The following THUMPD2 variants were observed in gnomAD, a reference collection of about 807,000 sequenced individuals.
The protein encoded by THUMPD2 is THUMP domain 2 tRNA and snRNA guanosine methyltransferase, also known as U6 snRNA (guanine-N(2))-methyltransferase THUMPD2.
A neutral mutation model predicts 49.4 loss-of-function variants in THUMPD2; 56 were observed. The ratio of observed to expected loss-of-function variants is 1.13; its 90% CI spans 0.91 to 1.41. The LOEUF is 1.41. Ranked by LOEUF, THUMPD2 falls within the 40% of genes most tolerant of loss-of-function variation. THUMPD2 has a pLI of 0.00. For missense variants in THUMPD2, 709 were observed against 594.5 expected (o/e 1.19, Z -2.00); for synonymous variants, 237 against 205.2 (o/e 1.15, Z -1.32).
chr2:39,779,044 C>G, intron 1 of THUMPD2, 70 bp downstream of exon 1: 2 of 1,379,936 alleles, frequency 1.4e-6, no homozygotes, highest in Non-Finnish European at 1.9e-6. Flanking sequence ...CCCGCGTCCA[C>G]GACTGGGGTG....
Position 39,771,545 on chromosome 2 carries a change from A to T in THUMPD2, c.222T>A (p.Ile74=). The change falls in exon 2 of 10, where the codon ATT becomes ATA. Residue 74 remains isoleucine (I), a synonymous_variant. Coordinates refer to ENST00000505747, the MANE Select transcript of THUMPD2 (RefSeq NM_025264.5). ...LKSAERLFLL[I]KKQFPLIISS... ...AAATAATAAGTGGAAACTGCTTTTT[A>T]ATCAGCAAAAATAATCTTTCTGCAG... The T allele has an allele frequency of 6.2e-7, 1 of 1,607,938 alleles. No individual in the cohort carries two copies. The highest frequency in any genetic ancestry group is 2.2e-5 in the East Asian group (1 of 44,660).
rs755005601 is a variant in THUMPD2, at chr2:39,769,949, T to C, written c.433A>G (p.Lys145Glu). The C allele has an allele frequency of 6.3e-7, 1 of 1,577,848 alleles. No individual in the cohort carries two copies. Among genetic ancestry groups the C allele is most frequent in the East Asian group, 2.3e-5 (1 of 43,856 alleles). The change falls in exon 3 of 10, where the codon AAG becomes GAG. Residue 145 changes from lysine to glutamate, a missense_variant. Physicochemically the swap from Lys to Glu is moderately conservative, Grantham distance 56. Transcript: ENST00000505747. ...RKVGENEIIA[K>E]KLKIEQMQKI... ...TGCATTTGTTCTATTTTTAATTTCTTTGCAATGATTTCATTTTCTCCCACT... is the reference window on the plus strand; with the variant it reads ...TGCATTTGTTCTATTTTTAATTTCTCTGCAATGATTTCATTTTCTCCCACT...
intron 6 of THUMPD2, among the ~76,000 whole-genome samples, chr2:39,760,518 C>G (rs1470715135): frequency 6.6e-6 from 1 of 151,846 alleles, no homozygotes; most frequent in African/African-American, 2.4e-5. Flanking sequence ...AAGTTATGAA[C>G]AGAATAAAAA....
At chr2:39,742,936 T>C (rs1213147692) in intron 9 of THUMPD2, among the ~76,000 whole-genome samples, 1 of 152,180 alleles carries the variant, frequency 6.6e-6, no homozygotes, top group Non-Finnish European at 1.5e-5. Context: ...GTCTGAATTA[T>C]AGGTGCTGTC....
chr2:39,766,097 G>T lies in THUMPD2; in HGVS notation c.763C>A (p.Leu255Ile). The T allele has an allele frequency of 6.3e-7, 1 of 1,579,210 alleles. No homozygotes were observed. Among genetic ancestry groups the T allele is most frequent in the Non-Finnish European group, 8.6e-7 (1 of 1,167,830 alleles). ...CCCACCACAGAGTAAATGTCATTTA[G>T]ATGTATAAAGATCTGAAAGAACAAA... ...RNPQLEIFIH[L>I]NDIYSVVGIP... Residue 255 changes from leucine (L) to isoleucine (I), a missense_variant, in exon 5 of 10, where the codon CTA becomes ATA. Coordinates refer to ENST00000505747, the MANE Select transcript of THUMPD2 (RefSeq NM_025264.5).
chr2:39,761,127 A>G (rs1056500659), intron 6 of THUMPD2, among the ~76,000 whole-genome samples: 1 of 152,204 alleles, frequency 6.6e-6, no homozygotes, highest in African/African-American at 2.4e-5. Context: ...GCTTTTTCAG[A>G]GCCAAAATAC....
chr2:39,743,941 C>G (rs923706929), intron 9 of THUMPD2, among the ~76,000 whole-genome samples: 5 of 151,900 alleles, frequency 3.3e-5, no homozygotes, highest in Non-Finnish European at 5.9e-5. Flanking sequence ...TAACAGAATT[C>G]TGTTCTGTTG....
At chr2:39,766,565 G>A (rs1272275350) in intron 4 of THUMPD2, among the ~76,000 whole-genome samples, 1 of 152,108 alleles carries the variant, frequency 6.6e-6, no homozygotes, top group East Asian at 1.9e-4. Context: ...GGCAGCAAGG[G>A]TGCTGTTTTC....
intron 9 of THUMPD2, among the ~76,000 whole-genome samples, chr2:39,743,645 G>A (rs1350416811): frequency 6.6e-6 from 1 of 152,114 alleles, no homozygotes; most frequent in Non-Finnish European, 1.5e-5. Flanking sequence ...AAAGAGCCTG[G>A]CACCTCCCCC....
Position 39,736,450 on chromosome 2 carries a change from T to G in THUMPD2, c.*285A>C, listed in dbSNP as rs542305298. ...CCCCTGAAAACCTTTATTTTGAAAT[T>G]GAAGTTTTTGCTCAGAAACTGGGCA... On this transcript the variant is annotated 3_prime_UTR_variant, in exon 10 of 10. Coordinates refer to ENST00000505747, the MANE Select transcript of THUMPD2 (RefSeq NM_025264.5). 36 of 270,802 alleles carry G rather than the reference T, an allele frequency of 1.3e-4. No homozygotes were observed. The East Asian group carries it at 2.0e-3, about 15-fold the overall frequency. 16.8% of individuals were successfully genotyped at this position (270,802 alleles called of 1,614,324 possible).
In THUMPD2 at chr2:39,769,887, T is replaced by G; in HGVS notation, c.495A>C (p.Lys165Asn). 6.3e-7 allele frequency: 1 copy of G among 1,599,518 alleles called. No individual in the cohort carries two copies. Among genetic ancestry groups the G allele is most frequent in the Non-Finnish European group, 8.5e-7 (1 of 1,176,326 alleles). The change falls in exon 3 of 10, where the codon AAA becomes AAC. Residue 165 changes from lysine (K) to asparagine (N), a missense_variant. By Grantham distance (94) the Lys-to-Asn change is moderately conservative (BLOSUM62 0). Coordinates refer to ENST00000505747, the MANE Select transcript of THUMPD2 (RefSeq NM_025264.5). Reference sequence around the variant, plus strand: ...GCTCCAGAGTTTCTTCTTTTATTTGTTTTTCCAGCTGGCAGTCCCTATTCT... The same window carrying G: ...GCTCCAGAGTTTCTTCTTTTATTTGGTTTTCCAGCTGGCAGTCCCTATTCT... ...IEENRDCQLE[K>N]QIKEETLEQR...
At chr2:39,768,666 G>T in intron 3 of THUMPD2, 165 bp from the exon 4 acceptor site, 1 of 701,372 alleles carries the variant, frequency 1.4e-6, no homozygotes, top group Non-Finnish European at 2.3e-6. Context: ...TCCTATTCAA[G>T]GCAGTAAGGC....
chr2:39,739,143 C>T (rs1333404548), intron 9 of THUMPD2, among the ~76,000 whole-genome samples: 3 of 152,194 alleles, frequency 2.0e-5, no homozygotes, highest in Non-Finnish European at 4.4e-5. Flanking sequence ...CGTTTCCACA[C>T]AGAAGACAAA....
intron 8 of THUMPD2, among the ~76,000 whole-genome samples, chr2:39,751,222 T>G (rs6750252): frequency 0.65 from 99,630 of 152,230 alleles, 33,321 homozygotes; most frequent in African/African-American, 0.78. Flanking sequence ...AGCAGAGGCA[T>G]GACAGGCAGC....
chr2:39,743,512 G>T lies in THUMPD2; in HGVS notation c.1187+858C>A, dbSNP rs571154791. ...AAATTTGATCCCCAGTGTTGGAGAT[G>T]GGGCCTAATGGGAAGTATTTGGATT... On this transcript the variant is annotated intron_variant, in intron 9 of 9. Coordinates refer to ENST00000505747, the MANE Select transcript of THUMPD2 (RefSeq NM_025264.5). Among the ~76,000 whole-genome samples the T allele has an allele frequency of 5.9e-5, 9 of 152,146 alleles. No homozygotes were observed. In the South Asian group the frequency reaches 1.9e-3, roughly 32 times the overall value.
intron 8 of THUMPD2, among the ~76,000 whole-genome samples, chr2:39,746,260 C>T (rs780770536): frequency 6.6e-6 from 1 of 152,206 alleles, no homozygotes; most frequent in Non-Finnish European, 1.5e-5. Flanking sequence ...GGTAGGGCAA[C>T]TACTTCCAGG....
In THUMPD2 at chr2:39,748,897, G is replaced by A. The variant is rs148318219; in HGVS notation, c.1079-4419C>T. ...CTTGGGAAGCTGAGATGGGAGGACT[G>A]CTTGAGCCCAGGAGTTCGTTCAAGG... On this transcript the variant is annotated intron_variant, in intron 8 of 9. Coordinates refer to ENST00000505747, the MANE Select transcript of THUMPD2 (RefSeq NM_025264.5). Among the ~76,000 whole-genome samples the A allele has an allele frequency of 7.0e-3, 1,062 of 152,008 alleles. 10 individuals carry two copies. Among genetic ancestry groups the A allele is most frequent in the African/African-American group, 0.025 (1,019 of 41,450 alleles).
chr2:39,752,574 A>C (rs1427086556), intron 8 of THUMPD2, among the ~76,000 whole-genome samples: 1 of 152,210 alleles, frequency 6.6e-6, no homozygotes, highest in Non-Finnish European at 1.5e-5. Flanking sequence ...ATTAGTTAAA[A>C]TTGGCCCCTG....
rs1208767038 is a variant in THUMPD2 at position 39,769,571 on chromosome 2, G to A, written c.672+139C>T. 59 of 761,822 alleles carry A rather than the reference G, an allele frequency of 7.7e-5. No individual in the cohort carries two copies. The South Asian group carries it at 1.2e-3, about 15-fold the overall frequency. The allele number at this position is 761,822 out of a possible 1,614,324, so 47.2% of individuals were successfully genotyped here. On this transcript the variant is annotated intron_variant, in intron 3 of 9. Transcript: ENST00000505747. ...ACAAAAATTAGCTGGGTGTGGTGACGCACACCTGTGATCCCAGCTACTCAG... is the reference window on the plus strand; with the variant it reads ...ACAAAAATTAGCTGGGTGTGGTGACACACACCTGTGATCCCAGCTACTCAG...
Sources: gnomAD v4.1 joint callset for allele counts (sites outside exome capture counted in the v4.1 genomes callset) on GRCh38, gnomAD v4.1.1 for gene constraint, MANE v1.5 for transcripts, NCBI Gene and HGNC (gene_info 2026-07-23, HGNC 2026-07-21) for gene names.